The following DAP3 variants were observed in gnomAD, a reference collection of about 807,000 sequenced individuals.
DAP3 encodes small ribosomal subunit protein mS29.
In DAP3, 28 loss-of-function variants were observed where a neutral mutation model predicts 51.9. That is an observed-to-expected ratio of 0.54 (90% CI 0.40 to 0.74). The LOEUF (loss-of-function observed/expected upper bound fraction) is 0.74. Among genes scored for constraint, DAP3 ranks in the 30% least tolerant of loss-of-function variants. The pLI, the probability that DAP3 is intolerant of heterozygous loss-of-function variation, is 0.00. For synonymous variants in DAP3, 170 were observed against 170.3 expected, an observed-to-expected ratio of 1.00 and a Z score of 0.01; for missense variants, 458 against 483.5, an observed-to-expected ratio of 0.95 and a Z score of 0.49.
intron 3 of DAP3, among the ~76,000 whole-genome samples, chr1:155,720,768 G>A (rs1345773512): frequency 6.6e-6 from 1 of 151,528 alleles, no homozygotes; most frequent in African/African-American, 2.4e-5. Context: ...GCTAGGCGCT[G>A]TGGCTCACGC....
rs1300438840 is a variant in DAP3 at position 155,729,039 on chromosome 1, T to C, written c.604-3T>C. ...GGTTTTTATTTTCTTTGCTTGCTTT[T>C]AGATAAAAGTTCAAGAGAAGTATGT... On this transcript the variant is annotated splice_polypyrimidine_tract_variant and splice_region_variant and intron_variant, in intron 7 of 12. Transcript: ENST00000368336. 1 of 1,611,790 alleles carries C rather than the reference T, an allele frequency of 6.2e-7. No individual in the cohort carries two copies. Among genetic ancestry groups the C allele is most frequent in the Non-Finnish European group, 8.5e-7 (1 of 1,179,586 alleles).
intron 2 of DAP3, among the ~76,000 whole-genome samples, chr1:155,712,527 G>A (rs574199505): frequency 1.4e-5 from 2 of 144,514 alleles, no homozygotes; most frequent in Non-Finnish European, 3.0e-5. Context: ...CAGCAGAATC[G>A]CTTGAACCTG....
intron 1 of DAP3, among the ~76,000 whole-genome samples, chr1:155,705,014 A>T (rs1655768301): frequency 6.6e-6 from 1 of 152,078 alleles, no homozygotes; most frequent in Non-Finnish European, 1.5e-5. Flanking sequence ...ATTTAAGGCC[A>T]AGTGCGATGG....
Position 155,738,828 on chromosome 1 carries a change from C to G in DAP3, c.*586C>G, listed in dbSNP as rs1285306629. 6.6e-6 allele frequency: 1 copy of G among 151,882 alleles called. No individual in the cohort carries two copies. Among genetic ancestry groups the G allele is most frequent in the African/African-American group, 2.4e-5 (1 of 41,338 alleles). 9.4% of individuals were successfully genotyped at this position (151,882 alleles called of 1,614,324 possible). A position where few individuals can be genotyped will look rare whatever the true frequency, so the allele number is the denominator to read the frequency against. On this transcript the variant is annotated 3_prime_UTR_variant, in exon 13 of 13. Coordinates refer to ENST00000368336, the MANE Select transcript of DAP3 (RefSeq NM_004632.4). ...CTCTACTAAAAATACAAAAATTAGC[C>G]GGGCACGGTGGCATGCGCCTGTAAT...
At chr1:155,713,189 G>A (rs1228771969) in intron 2 of DAP3, among the ~76,000 whole-genome samples, 1 of 152,190 alleles carries the variant, frequency 6.6e-6, no homozygotes, top group Non-Finnish European at 1.5e-5. Flanking sequence ...AATTGGCTCT[G>A]ATTAGAAAGG....
At chr1:155,698,416 GC>G (rs1654792258) in intron 1 of DAP3, among the ~76,000 whole-genome samples, 1 of 152,142 alleles carries the variant, frequency 6.6e-6, no homozygotes, top group Non-Finnish European at 1.5e-5. Context: ...CATGGCTTCA[GC>G]CGGTCCCTCT....
chr1:155,710,143 G>A, intron 2 of DAP3: 1 of 214,344 alleles, frequency 4.7e-6, no homozygotes. Flanking sequence ...ATCTAAAATA[G>A]AATAAAAAAT....
rs1571563335 is a variant in DAP3, at chr1:155,731,577, T to C, written c.903+162T>C. On this transcript the variant is annotated intron_variant, in intron 10 of 12. Transcript: ENST00000368336. Reference sequence around the variant, plus strand: ...TATCTGTACCAAGTTAGAAATAAAGTCTGAATTAAAATCTATATATATGTG... The same window carrying C: ...TATCTGTACCAAGTTAGAAATAAAGCCTGAATTAAAATCTATATATATGTG... 1.3e-5 allele frequency: 9 copies of C among 709,528 alleles called. No individual in the cohort carries two copies. In the East Asian group the frequency reaches 2.0e-4, roughly 16 times the overall value. The allele number at this position is 709,528 out of a possible 1,614,324, so 44.0% of individuals were successfully genotyped here.
chr1:155,725,487 C>G lies in DAP3; in HGVS notation c.376C>G (p.Leu126Val). The G allele has an allele frequency of 6.2e-7, 1 of 1,613,256 alleles. No individual in the cohort carries two copies. Among genetic ancestry groups the G allele is most frequent in the Non-Finnish European group, 8.5e-7 (1 of 1,179,224 alleles). ...TGCTTATCCAGCTATACGATATCTT[C>G]TGTGTATCCTTTCCTGCCTGCGTGG... ...SFAYPAIRYL[L>V]YGEKGTGKTL... Residue 126 changes from leucine to valine, a missense_variant, in exon 5 of 13, where the codon CTG (leucine) becomes GTG (valine). Coordinates refer to ENST00000368336, the MANE Select transcript of DAP3 (RefSeq NM_004632.4).
At chr1:155,711,496 AG>A (rs1212348251) in intron 2 of DAP3, among the ~76,000 whole-genome samples, 1 of 152,104 alleles carries the variant, frequency 6.6e-6, no homozygotes, top group African/African-American at 2.4e-5. Flanking sequence ...CCATCTCAAA[AG>A]AAAAAAAAAA....
intron 3 of DAP3, among the ~76,000 whole-genome samples, chr1:155,718,004 C>G (rs1313514971): frequency 1.3e-5 from 2 of 152,186 alleles, no homozygotes; most frequent in African/African-American, 4.8e-5. Context: ...CCCTCTGAGT[C>G]TTCCCATCTT....
At chr1:155,704,364 T>A in intron 1 of DAP3, among the ~76,000 whole-genome samples, 1 of 152,128 alleles carries the variant, frequency 6.6e-6, no homozygotes, top group African/African-American at 2.4e-5. Flanking sequence ...GGCACGCCTA[T>A]GGAAAGAAGT....
chr1:155,714,750 C>T (rs776400014), intron 2 of DAP3, among the ~76,000 whole-genome samples: 3 of 150,938 alleles, frequency 2.0e-5, no homozygotes, highest in Non-Finnish European at 4.4e-5. Context: ...AGTGAGACTC[C>T]GTCTCAAAAA....
At chr1:155,690,952 G>A (rs1242958937) in intron 1 of DAP3, among the ~76,000 whole-genome samples, 1 of 141,812 alleles carries the variant, frequency 7.1e-6, no homozygotes, top group Non-Finnish European at 1.5e-5. Context: ...CTGTCACCCA[G>A]GCTGGAGTGC....
At chr1:155,709,731 C>T in intron 1 of DAP3, 42 bp from the exon 2 acceptor site, 1 of 1,575,594 alleles carries the variant, frequency 6.3e-7, no homozygotes, top group Non-Finnish European at 8.7e-7. Flanking sequence ...CATCTTTTCC[C>T]ATTTGTGGTT....
At chr1:155,706,105 G>A (rs977255488) in intron 1 of DAP3, among the ~76,000 whole-genome samples, 2 of 151,898 alleles carry the variant, frequency 1.3e-5, no homozygotes, top group East Asian at 3.9e-4. Context: ...CCTCAAGTGA[G>A]CCTTTTGCCT....
At chr1:155,711,031 T>C (rs1656628640) in intron 2 of DAP3, among the ~76,000 whole-genome samples, 1 of 152,126 alleles carries the variant, frequency 6.6e-6, no homozygotes, top group South Asian at 2.1e-4. Context: ...TTAGATTTCC[T>C]AGAAAAGGAG....
chr1:155,693,406 C>T (rs1388244566), intron 1 of DAP3, among the ~76,000 whole-genome samples: 1 of 141,682 alleles, frequency 7.1e-6, no homozygotes, highest in Non-Finnish European at 1.5e-5. Context: ...CATTACCTTC[C>T]ATAATTTGGG....
chr1:155,687,949 T>G, upstream of DAP3: 1 of 1,155,072 alleles, frequency 8.7e-7, no homozygotes, highest in Non-Finnish European at 1.2e-6. Context: ...CCCTCCCCCA[T>G]CTTCACCACT....
Sources: allele counts gnomAD v4.1 joint callset (sites outside exome capture counted in the v4.1 genomes callset), GRCh38; gene constraint gnomAD v4.1.1; transcripts MANE v1.5; gene names NCBI Gene and HGNC (gene_info 2026-07-23, HGNC 2026-07-21).